Variants in LRTM1 observed in about 807,000 individuals in gnomAD.
LRTM1 encodes leucine-rich repeat and transmembrane domain-containing protein 1.
In LRTM1, 38 loss-of-function variants were observed where a neutral mutation model predicts 32.4. The ratio of observed to expected loss-of-function variants is 1.17; its 90% confidence interval spans 0.91 to 1.54. The LOEUF (loss-of-function observed/expected upper bound fraction) is 1.54, where lower values mean the gene tolerates loss of function less well. LRTM1 is among the 40% of genes most tolerant of loss of function. The pLI is 0.00. For synonymous variants in LRTM1, 186 were observed against 169.9 expected (o/e 1.09, Z -0.74); for missense variants, 466 against 415.4 (o/e 1.12, Z -1.06).
intron 1 of LRTM1, among the ~76,000 whole-genome samples, chr3:54,951,088 A>G (rs1211572953): frequency 1.3e-5 from 2 of 152,240 alleles, no homozygotes; most frequent in African/African-American, 2.4e-5. Context: ...AAAAAAATCT[A>G]CAGAACGCTC....
At chr3:54,952,673 G>A (rs187945603) in intron 1 of LRTM1, among the ~76,000 whole-genome samples, 17 of 152,254 alleles carry the variant, frequency 1.1e-4, no homozygotes, top group Admixed American at 1.1e-3. Flanking sequence ...AAGATCTGGT[G>A]TTCATGGGTT....
intron 1 of LRTM1, among the ~76,000 whole-genome samples, chr3:54,933,998 T>C (rs1054922085): frequency 1.3e-5 from 2 of 152,170 alleles, no homozygotes; most frequent in Non-Finnish European, 2.9e-5. Context: ...CTCTAACTCC[T>C]GACCTGGGGT....
chr3:54,924,560 T>G (rs909558845), intron 2 of LRTM1, 59 bp downstream of exon 2: 950 of 1,337,746 alleles, frequency 7.1e-4, no homozygotes, highest in Non-Finnish European at 9.1e-4. Context: ...AGAGAACAGA[T>G]GAGATTCATC....
chr3:54,951,518 G>A lies in LRTM1; in HGVS notation c.-222+15410C>T, dbSNP rs528815185. Among the ~76,000 whole-genome samples, 6 of 152,326 alleles carry A rather than the reference G, an allele frequency of 3.9e-5. No homozygotes were observed. In the East Asian group the frequency reaches 1.2e-3, roughly 29 times the overall value. Reference sequence around the variant, plus strand: ...TGTGAGTTGTAGGATTTCAGTTACTGTGAACTTTGAAGCATCTCTACAGAC... The same window carrying A: ...TGTGAGTTGTAGGATTTCAGTTACTATGAACTTTGAAGCATCTCTACAGAC... On this transcript the variant is annotated intron_variant, in intron 1 of 2. Coordinates refer to the LRTM1 transcript ENST00000493075.
At position 54,944,017 on chromosome 3, in the gene LRTM1, T is replaced by C. The variant is rs972827906; in HGVS notation, c.-221-18802A>G. Reference sequence around the variant, plus strand: ...CGTTTCCTAACCATTTGACTGGCCATAGAATACCTGGCTGAAAATCATTTT... The same window carrying C: ...CGTTTCCTAACCATTTGACTGGCCACAGAATACCTGGCTGAAAATCATTTT... On this transcript the variant is annotated intron_variant, in intron 1 of 2. Coordinates refer to the LRTM1 transcript ENST00000493075. Among the ~76,000 whole-genome samples, 7 of 152,236 alleles carry C rather than the reference T, an allele frequency of 4.6e-5. No homozygotes were observed. The East Asian group carries it at 9.6e-4, about 21-fold the overall frequency.
intron 1 of LRTM1, among the ~76,000 whole-genome samples, chr3:54,939,595 A>G (rs530045016): frequency 6.6e-6 from 1 of 152,332 alleles, no homozygotes; most frequent in South Asian, 2.1e-4. Context: ...AGGTGGGGAA[A>G]GCAAGGCATT....
chr3:54,958,785 A>G lies in LRTM1; in HGVS notation c.-222+8143T>C, dbSNP rs1701963835. On this transcript the variant is annotated intron_variant, in intron 1 of 2. Coordinates refer to the LRTM1 transcript ENST00000493075. Reference sequence around the variant, plus strand: ...GGATGTTCTGTGTAACCCCCAGCCTAGAGTTGCCAGATTTAGTAAACCAAA... The same window carrying G: ...GGATGTTCTGTGTAACCCCCAGCCTGGAGTTGCCAGATTTAGTAAACCAAA... Among the ~76,000 whole-genome samples, 2 of 151,840 alleles carry G rather than the reference A, an allele frequency of 1.3e-5. 1 individual carries two copies. Among genetic ancestry groups the G allele is most frequent in the South Asian group, 4.2e-4 (2 of 4,802 alleles).
rs771333317 is a variant in LRTM1 at position 54,925,258 on chromosome 3, A to G, written c.8-43T>C. On this transcript the variant is annotated intron_variant, in intron 1 of 2. Coordinates refer to ENST00000273286, the MANE Select transcript of LRTM1 (RefSeq NM_020678.4). ...AAATTGGGATAGGAACCAGTTTGTG[A>G]GGTGTGGTATCAGCACTTTTCCGCC... 35 of 1,516,830 alleles carry G rather than the reference A, an allele frequency of 2.3e-5. No homozygotes were observed. In the East Asian group the frequency reaches 7.9e-4, roughly 34 times the overall value. The allele number at this position is 1,516,830 out of a possible 1,614,324, so 94.0% of individuals were successfully genotyped here.
intron 1 of LRTM1, among the ~76,000 whole-genome samples, chr3:54,962,694 A>T (rs908553271): frequency 6.6e-6 from 1 of 152,160 alleles, no homozygotes; most frequent in African/African-American, 2.4e-5. Flanking sequence ...ACAACTCCTG[A>T]TTGGAATTCA....
intron 1 of LRTM1, among the ~76,000 whole-genome samples, chr3:54,951,574 GC>G (rs1404867165): frequency 6.6e-6 from 1 of 152,148 alleles, no homozygotes; most frequent in Non-Finnish European, 1.5e-5. Context: ...GGGTGACGCA[GC>G]CCCACTGAGA....
At chr3:54,938,151 G>A (rs1027200216) in intron 1 of LRTM1, among the ~76,000 whole-genome samples, 1 of 152,210 alleles carries the variant, frequency 6.6e-6, no homozygotes. Context: ...TGGCAGAGTT[G>A]CATTCTCACC....
At position 54,924,798 on chromosome 3, in the gene LRTM1, C is replaced by T. The variant is rs148479869; in HGVS notation, c.425G>A (p.Gly142Glu). The T allele has an allele frequency of 1.9e-6, 3 of 1,613,966 alleles. No homozygotes were observed. The highest frequency in any genetic ancestry group is 2.5e-6 in the Non-Finnish European group (3 of 1,180,020). The change falls in exon 2 of 3, where the codon GGA becomes GAA. Residue 142 changes from glycine to glutamate, a missense_variant. Gly to Glu is a moderately conservative substitution (Grantham distance 98). Transcript: ENST00000273286. The part of the protein sequence containing the change: ...NNISHLPTSL[G>E]ETWENLTILA... ...TATAGTTAGGTTCTCCCAAGTCTCT[C>T]CCAAGGATGTGGGAAGGTGGCTTAT...
chr3:54,945,972 T>A (rs1005966925), intron 1 of LRTM1, among the ~76,000 whole-genome samples: 5 of 152,188 alleles, frequency 3.3e-5, no homozygotes, highest in African/African-American at 1.2e-4. Context: ...TCACAAGAGT[T>A]CTTTGCCACG....
At chr3:54,932,876 C>T (rs551149284), upstream of LRTM1, among the ~76,000 whole-genome samples, 2 of 152,148 alleles carry the variant, frequency 1.3e-5, no homozygotes, top group African/African-American at 2.4e-5. Context: ...GCCCTTGGCA[C>T]CACAAATCCA....
upstream of LRTM1, among the ~76,000 whole-genome samples, chr3:54,929,005 C>A (rs556991337): frequency 2.0e-5 from 3 of 152,240 alleles, no homozygotes; most frequent in East Asian, 5.8e-4. Context: ...CTAGATAAAA[C>A]AAAATGTTCT....
chr3:54,928,707 A>G (rs930099688), upstream of LRTM1, among the ~76,000 whole-genome samples: 7 of 113,204 alleles, frequency 6.2e-5, no homozygotes, highest in Non-Finnish European at 1.1e-4. Context: ...CCCACACCCC[A>G]CCCACTCCCC....
Position 54,942,885 on chromosome 3 carries a change from G to A in LRTM1, c.-221-17670C>T, listed in dbSNP as rs554683805. The stretch of plus-strand genomic sequence containing the variant: ...TAAAAATACAAAAAATTAGCCAGGC[G>A]CGGTGGCACGTGCCTGTAGTCCCAG... On this transcript the variant is annotated intron_variant, in intron 1 of 2. Coordinates refer to the LRTM1 transcript ENST00000493075. 3.1e-4 allele frequency among the ~76,000 whole-genome samples: 47 copies of A among 152,170 alleles called. No individual in the cohort carries two copies. The South Asian group carries it at 7.5e-3, about 24-fold the overall frequency.
chr3:54,948,344 CT>C, intron 1 of LRTM1, among the ~76,000 whole-genome samples: 1 of 152,280 alleles, frequency 6.6e-6, no homozygotes, highest in East Asian at 1.9e-4. Context: ...CTGGAAGATT[CT>C]TGATAATTGT....
chr3:54,923,241 C>A (rs776780955), intron 2 of LRTM1, among the ~76,000 whole-genome samples: 2 of 152,136 alleles, frequency 1.3e-5, no homozygotes, highest in Non-Finnish European at 2.9e-5. Flanking sequence ...TGATCTGACC[C>A]CCAAGTACTG....
Sources: allele counts gnomAD v4.1 joint callset (sites outside exome capture counted in the v4.1 genomes callset), GRCh38; gene constraint gnomAD v4.1.1; transcripts MANE v1.5; gene names NCBI Gene and HGNC (gene_info 2026-07-23, HGNC 2026-07-21).